NPC1: variants seen among roughly 807,000 people sequenced by gnomAD.
NPC1 encodes the protein NPC intracellular cholesterol transporter 1, also known as Niemann-Pick C1 protein.
NPC1 carries 85 observed loss-of-function variants against 140.4 expected under a neutral mutation model. That is an observed-to-expected ratio of 0.61 (90% CI 0.51 to 0.72). The LOEUF is 0.72. NPC1 is among the 30% of genes least tolerant of loss of function. NPC1 has a pLI of 0.00. For missense variants in NPC1, 1,504 were observed against 1,623.8 expected (o/e 0.93, Z 1.27); for synonymous variants, 656 against 624.8 (o/e 1.05, Z -0.74).
At position 23,535,596 on chromosome 18, in the gene NPC1, A is replaced by T. The variant is rs1312902967; in HGVS notation, c.3350T>A (p.Leu1117Gln). Reference sequence around the variant, plus strand: ...GACTGCAGACCAGAGCTCACAGCCCAGGAGGACCATGGTCACCAGAAATAT... The same window carrying T: ...GACTGCAGACCAGAGCTCACAGCCCTGGAGGACCATGGTCACCAGAAATAT... ...GAIFLVTMVL[L>Q]GCELWSAVIM... Residue 1117 changes from leucine (L) to glutamine (Q), a missense_variant, in exon 22 of 25, where the codon CTG becomes CAG. Transcript: ENST00000269228. 3 of 1,614,064 alleles carry T rather than the reference A, an allele frequency of 1.9e-6. No homozygotes were observed. The African/African-American group carries it at 4.0e-5, about 22-fold the overall frequency.
At chr18:23,573,606 C>T (rs891195267) in intron 1 of NPC1, 32 bp from the exon 2 acceptor site, 20 of 1,613,864 alleles carry the variant, frequency 1.2e-5, no homozygotes, top group Non-Finnish European at 1.7e-5. Flanking sequence ...TTCAGTGTTA[C>T]CAGGGTCTCA....
In NPC1 at chr18:23,544,943, A is replaced by ACCCTCC. The variant is rs1555634620; in HGVS notation, c.1947+16_1947+17insGGAGGG. 2.6e-6 allele frequency: 2 copies of ACCCTCC among 783,212 alleles called. No homozygotes were observed. Among genetic ancestry groups the ACCCTCC allele is most frequent in the African/African-American group, 4.0e-5 (2 of 49,778 alleles). 48.5% of individuals were successfully genotyped at this position (783,212 alleles called of 1,614,324 possible). A position where few individuals can be genotyped will look rare whatever the true frequency, so the allele number is the denominator to read the frequency against. On this transcript the variant is annotated intron_variant, in intron 12 of 24. Coordinates refer to ENST00000269228, the MANE Select transcript of NPC1 (RefSeq NM_000271.5). ...GCTGTTAACCTCTAGAACATACACCACCCCCCCCCGGCTTACCAGAAGCCT... is the reference window on the plus strand; with the variant it reads ...GCTGTTAACCTCTAGAACATACACCACCCTCCCCCCCCCCCGGCTTACCAGAAGCCT...
chr18:23,530,736 C>T, downstream of NPC1: 1 of 828,724 alleles, frequency 1.2e-6, no homozygotes, highest in East Asian at 2.7e-5. Context: ...GATAACAGCC[C>T]ACCTAGCCCT....
At chr18:23,513,472 C>T (rs1490041051) in intron 3 of NPC1, among the ~76,000 whole-genome samples, 1 of 152,218 alleles carries the variant, frequency 6.6e-6, no homozygotes, top group Non-Finnish European at 1.5e-5. Context: ...GCTTCTGCCT[C>T]TTGGCCATTG....
intron 7 of NPC1, 117 bp downstream of exon 7, chr18:23,557,000 G>A (rs1025501416): frequency 1.6e-5 from 14 of 864,852 alleles, no homozygotes; most frequent in South Asian, 7.0e-5. Context: ...GGTCGCAGCC[G>A]TGTCCTCGGC....
intron 1 of NPC1, among the ~76,000 whole-genome samples, chr18:23,578,297 C>G (rs969820078): frequency 9.2e-5 from 14 of 152,366 alleles, no homozygotes; most frequent in African/African-American, 3.4e-4. Flanking sequence ...AACAACTTGT[C>G]CAAGGTCACA....
intron 20 of NPC1, among the ~76,000 whole-genome samples, chr18:23,538,066 A>G (rs2058658473): frequency 1.3e-5 from 2 of 152,046 alleles, no homozygotes; most frequent in Non-Finnish European, 2.9e-5. Context: ...TGGATGGGGG[A>G]GTGAGATAGC....
chr18:23,522,920 T>C (rs1407627330), intron 1 of NPC1: 1 of 152,406 alleles, frequency 6.6e-6, no homozygotes, highest in Admixed American at 6.5e-5. Flanking sequence ...TTGAGAAAGA[T>C]ATAACCAGCA....
chr18:23,566,296 A>T (rs2059122188), intron 4 of NPC1, among the ~76,000 whole-genome samples: 1 of 151,950 alleles, frequency 6.6e-6, no homozygotes, highest in African/African-American at 2.4e-5. Flanking sequence ...ACCCAGGGGG[A>T]CTACTTGAAC....
At chr18:23,584,133 T>C (rs560688326) in intron 1 of NPC1, among the ~76,000 whole-genome samples, 27 of 152,344 alleles carry the variant, frequency 1.8e-4, no homozygotes, top group African/African-American at 6.3e-4. Context: ...GGCAGTCTAG[T>C]AATGTTATTA....
At chr18:23,535,949 T>G (rs1200703825) in intron 21 of NPC1, among the ~76,000 whole-genome samples, 1 of 152,096 alleles carries the variant, frequency 6.6e-6, no homozygotes, top group Admixed American at 6.6e-5. Flanking sequence ...ATAAGCCCAA[T>G]CTATGCTATT....
intron 4 of NPC1, among the ~76,000 whole-genome samples, chr18:23,567,007 C>A (rs972919468): frequency 2.6e-5 from 4 of 152,192 alleles, no homozygotes; most frequent in Non-Finnish European, 5.9e-5. Context: ...CTTGATAGCA[C>A]TGAATTTTCA....
chr18:23,539,244 C>G (rs956073498), intron 19 of NPC1, 111 bp downstream of exon 19: 1 of 758,110 alleles, frequency 1.3e-6, no homozygotes. Flanking sequence ...CAGGGAGACC[C>G]AGCTTTGATA....
chr18:23,566,627 T>C (rs113915270), intron 4 of NPC1, among the ~76,000 whole-genome samples: 55 of 152,068 alleles, frequency 3.6e-4, no homozygotes, highest in African/African-American at 1.3e-3. Flanking sequence ...ATAGATTCAG[T>C]TGAAGCTCCC....
rs903833252 is a variant in NPC1, at chr18:23,538,394, G to C, written c.3041+148C>G. On this transcript the variant is annotated intron_variant, in intron 20 of 24. Coordinates refer to ENST00000269228, the MANE Select transcript of NPC1 (RefSeq NM_000271.5). ...GGCATTTTCTTAAAAAGGTGTTTTC[G>C]GTTTTCCTGCTTCCACCAAAGGACC... 9 of 994,564 alleles carry C rather than the reference G, an allele frequency of 9.0e-6. No homozygotes were observed. In the East Asian group the frequency reaches 2.2e-4, roughly 24 times the overall value. 61.6% of individuals were successfully genotyped at this position (994,564 alleles called of 1,614,324 possible).
At chr18:23,508,185 C>A in intron 3 of NPC1, 1 of 664,136 alleles carries the variant, frequency 1.5e-6, no homozygotes. Context: ...TGGAGTCAGG[C>A]GGGGTGTTTG....
chr18:23,575,769 C>CAAAAAAAAAAAAAAAAAAAAAAAAAA (rs35922440), intron 1 of NPC1, among the ~76,000 whole-genome samples: 2 of 35,080 alleles, frequency 5.7e-5, no homozygotes, highest in African/African-American at 8.5e-5. Flanking sequence ...CAGAGAAGAC[C>CAAAAAAAAAAAAAAAAAAAAAAAAAA]AAAAAAAAAA....
intron 1 of NPC1, among the ~76,000 whole-genome samples, chr18:23,574,544 G>C (rs1035545021): frequency 6.6e-6 from 1 of 152,196 alleles, no homozygotes; most frequent in Admixed American, 6.5e-5. Context: ...GTCAGTCTGT[G>C]TTGGTCCTTC....
rs1233741093 is a variant in NPC1, at chr18:23,535,701, C to T, written c.3246-1G>A. 1.9e-6 allele frequency: 3 copies of T among 1,605,726 alleles called. No homozygotes were observed. Among genetic ancestry groups the T allele is most frequent in the Non-Finnish European group, 2.6e-6 (3 of 1,172,572 alleles). ...CTGTTCGTAGAAGACATAAAACACA[C>T]TGGAGGGGAGAGGGGAGGCCTCATT... On this transcript the variant is annotated splice_acceptor_variant, in intron 21 of 24. Transcript: ENST00000269228. LOFTEE classifies it high-confidence loss of function.
Sources: allele counts gnomAD v4.1 joint callset (sites outside exome capture counted in the v4.1 genomes callset), GRCh38; gene constraint gnomAD v4.1.1; transcripts MANE v1.5; gene names NCBI Gene and HGNC (gene_info 2026-07-23, HGNC 2026-07-21).